Variants in RIMS2 observed in about 807,000 individuals in gnomAD.
RIMS2 encodes regulating synaptic membrane exocytosis protein 2.
RIMS2 carries 59 observed loss-of-function variants against 174.4 expected under a neutral mutation model. That is an observed-to-expected ratio of 0.34 (90% CI 0.27 to 0.42). The LOEUF (loss-of-function observed/expected upper bound fraction) is 0.42. Among genes scored for constraint, RIMS2 ranks in the 10% least tolerant of loss-of-function variants. The pLI, the probability that RIMS2 is intolerant of heterozygous loss-of-function variation, is 1.00. For missense variants in RIMS2, 1,620 were observed against 1,666.3 expected, an observed-to-expected ratio of 0.97 and a Z score of 0.48; for synonymous variants, 606 against 572.5, an observed-to-expected ratio of 1.06 and a Z score of -0.84.
At chr8:103,811,248 C>T (rs1030613747) in intron 3 of RIMS2, among the ~76,000 whole-genome samples, 1 of 152,098 alleles carries the variant, frequency 6.6e-6, no homozygotes, top group African/African-American at 2.4e-5. Context: ...ACAAGCAGTC[C>T]TAACGCTAAA....
chr8:103,768,399 C>T (rs1227665741), intron 3 of RIMS2: 3 of 746,296 alleles, frequency 4.0e-6, no homozygotes, highest in Non-Finnish European at 7.5e-6. Flanking sequence ...GCTGCTGATG[C>T]TCTGGTTGAA....
intron 14 of RIMS2, 123 bp from the exon 17 acceptor site, chr8:103,960,942 T>G: frequency 1.5e-6 from 1 of 684,964 alleles, no homozygotes; most frequent in South Asian, 1.6e-5. Context: ...ACTTTTCTTC[T>G]GTACATATTT....
At chr8:103,751,414 C>A (rs1414392014) in intron 2 of RIMS2, among the ~76,000 whole-genome samples, 1 of 151,670 alleles carries the variant, frequency 6.6e-6, no homozygotes, top group Non-Finnish European at 1.5e-5. Flanking sequence ...CATACGTGTG[C>A]ATGTGTCTTT....
In RIMS2 at chr8:103,616,196, A is replaced by G. The variant is rs1404841143; in HGVS notation, c.177-80890A>G. Among the ~76,000 whole-genome samples the G allele has an allele frequency of 5.9e-5, 9 of 152,230 alleles. No homozygotes were observed. In the East Asian group the frequency reaches 1.7e-3, roughly 29 times the overall value. On this transcript the variant is annotated intron_variant, in intron 1 of 23. Transcript: ENST00000504942. Reference sequence around the variant, plus strand: ...TAATCAGGTAGGCTTCATCCCCAGGATGCCAGTTTGGTTCAATATGTAAAA... The same window carrying G: ...TAATCAGGTAGGCTTCATCCCCAGGGTGCCAGTTTGGTTCAATATGTAAAA...
At chr8:103,587,423 AG>A (rs2093994620) in intron 1 of RIMS2, among the ~76,000 whole-genome samples, 1 of 113,236 alleles carries the variant, frequency 8.8e-6, no homozygotes, top group Non-Finnish European at 1.9e-5. Flanking sequence ...AAAGAAAGAA[AG>A]AAAGAAAGAA....
At chr8:104,170,091 C>T (rs1325143694) in intron 19 of RIMS2, among the ~76,000 whole-genome samples, 1 of 152,012 alleles carries the variant, frequency 6.6e-6, no homozygotes, top group Non-Finnish European at 1.5e-5. Flanking sequence ...ATCATGTTGT[C>T]TATCTTGGAG....
At chr8:103,702,966 TGGG>T (rs2097183776) in intron 2 of RIMS2, among the ~76,000 whole-genome samples, 2 of 147,934 alleles carry the variant, frequency 1.4e-5, no homozygotes, top group Non-Finnish European at 1.5e-5. Flanking sequence ...GGAATGTTGT[TGGG>T]TGTTTTTGTG....
intron 2 of RIMS2, among the ~76,000 whole-genome samples, chr8:103,751,280 C>T (rs2097887526): frequency 6.6e-6 from 1 of 152,206 alleles, no homozygotes; most frequent in East Asian, 1.9e-4. Context: ...ATGAACTCAT[C>T]CTTTTTTATG....
At chr8:104,099,559 G>A (rs1020589298) in intron 19 of RIMS2, among the ~76,000 whole-genome samples, 4 of 152,156 alleles carry the variant, frequency 2.6e-5, no homozygotes, top group Non-Finnish European at 5.9e-5. Flanking sequence ...TGATTATGAT[G>A]CCAGTGGTGT....
intron 7 of RIMS2, 29 bp from the exon 11 acceptor site, chr8:103,916,385 A>C (rs899377949): frequency 9.7e-6 from 15 of 1,549,714 alleles, no homozygotes; most frequent in Admixed American, 3.9e-5. Flanking sequence ...TTTTCTGTAT[A>C]AGATTATTAT....
chr8:104,074,411 A>C (rs2097253583), intron 19 of RIMS2, among the ~76,000 whole-genome samples: 1 of 152,204 alleles, frequency 6.6e-6, no homozygotes, highest in Non-Finnish European at 1.5e-5. Flanking sequence ...TTTAGCACCT[A>C]GTAAATGCTC....
At chr8:103,573,446 A>G (rs1202600595) in intron 1 of RIMS2, among the ~76,000 whole-genome samples, 1 of 152,092 alleles carries the variant, frequency 6.6e-6, no homozygotes, top group South Asian at 2.1e-4. Context: ...ATTGCTAGCC[A>G]GTTTGTTTAT....
At chr8:104,146,909 G>A (rs563243256) in intron 19 of RIMS2, among the ~76,000 whole-genome samples, 1 of 152,048 alleles carries the variant, frequency 6.6e-6, no homozygotes, top group Non-Finnish European at 1.5e-5. Flanking sequence ...TTGCCAGGCT[G>A]GTATCAAACT....
intron 3 of RIMS2, among the ~76,000 whole-genome samples, chr8:103,821,069 G>A (rs1179633895): frequency 6.6e-6 from 1 of 151,114 alleles, no homozygotes; most frequent in Non-Finnish European, 1.5e-5. Context: ...GTGTGTAAAT[G>A]TATTAATATT....
intron 2 of RIMS2, among the ~76,000 whole-genome samples, chr8:103,700,641 T>A (rs2097156830): frequency 6.6e-6 from 1 of 151,098 alleles, no homozygotes; most frequent in African/African-American, 2.4e-5. Context: ...ATTATTGATA[T>A]GGTTTCATTT....
intron 19 of RIMS2, among the ~76,000 whole-genome samples, chr8:104,217,484 G>T (rs1412403363): frequency 1.3e-5 from 2 of 152,016 alleles, no homozygotes; most frequent in African/African-American, 4.8e-5. Flanking sequence ...GCCCAGACTG[G>T]TCTTGAGCTC....
intron 1 of RIMS2, among the ~76,000 whole-genome samples, chr8:103,670,733 C>T (rs1369095949): frequency 6.6e-6 from 1 of 152,212 alleles, no homozygotes; most frequent in Non-Finnish European, 1.5e-5. Context: ...CTGAGACTAC[C>T]TCAGCCTGGA....
intron 1 of RIMS2, among the ~76,000 whole-genome samples, chr8:103,599,464 G>A (rs919687211): frequency 1.8e-4 from 27 of 149,100 alleles, no homozygotes; most frequent in African/African-American, 6.4e-4. Flanking sequence ...TTTGAGACAA[G>A]ATCTCACTCT....
chr8:103,992,981 G>A (rs1204243400), intron 17 of RIMS2, among the ~76,000 whole-genome samples: 1 of 152,138 alleles, frequency 6.6e-6, no homozygotes, highest in Admixed American at 6.6e-5. Context: ...AGGCACGGTG[G>A]CAGATGCCTA....
Sources: gnomAD v4.1 joint callset for allele counts (sites outside exome capture counted in the v4.1 genomes callset) on GRCh38, gnomAD v4.1.1 for gene constraint, MANE v1.5 for transcripts, NCBI Gene and HGNC (gene_info 2026-07-23, HGNC 2026-07-21) for gene names.